Variants in CNTN4 observed in about 807,000 individuals in gnomAD.
CNTN4 encodes the protein contactin 4.
Under a neutral mutation model 122.5 loss-of-function variants are expected in CNTN4, and 77 were observed. The observed-to-expected ratio is 0.63, with a 90% CI of 0.52 to 0.76. The LOEUF (loss-of-function observed/expected upper bound fraction) is 0.76. Ranked by LOEUF, CNTN4 falls within the 30% of genes least tolerant of loss-of-function variation. The pLI is 0.00. For synonymous variants in CNTN4, 512 were observed against 447.0 expected, an observed-to-expected ratio of 1.15 and a Z score of -1.83; for missense variants, 1,256 against 1,259.1, an observed-to-expected ratio of 1.00 and a Z score of 0.04.
intron 3 of CNTN4, among the ~76,000 whole-genome samples, chr3:2,483,838 G>A (rs747419195): frequency 5.3e-5 from 8 of 152,092 alleles, no homozygotes; most frequent in African/African-American, 9.7e-5. Flanking sequence ...CCAGTCTCAG[G>A]TATTTCTTCA....
At chr3:2,907,201 T>G (rs1001615816) in intron 12 of CNTN4, among the ~76,000 whole-genome samples, 3 of 152,192 alleles carry the variant, frequency 2.0e-5, no homozygotes, top group Non-Finnish European at 4.4e-5. Context: ...ATAACTAAAT[T>G]GTCATTACCT....
In CNTN4 at chr3:2,736,265, A is replaced by G; in HGVS notation, c.106A>G (p.Met36Val). Residue 36 changes from methionine to valine, a missense_variant, in exon 5 of 25, where the codon ATG (methionine) becomes GTG (valine). Coordinates refer to ENST00000418658, the MANE Select transcript of CNTN4 (RefSeq NM_175607.3). ...PIFIQEPSPV[M>V]FPLDSEEKKV... ...TTTTATTCAAGAACCAAGTCCTGTAATGTTCCCTTTGGATTCTGAGGAGAA... is the reference window on the plus strand; with the variant it reads ...TTTTATTCAAGAACCAAGTCCTGTAGTGTTCCCTTTGGATTCTGAGGAGAA... 4 of 1,613,694 alleles carry G rather than the reference A, an allele frequency of 2.5e-6. No homozygotes were observed. The highest frequency in any genetic ancestry group is 3.4e-6 in the Non-Finnish European group (4 of 1,179,738).
At chr3:2,500,205 C>A (rs909112047) in intron 3 of CNTN4, among the ~76,000 whole-genome samples, 3 of 151,844 alleles carry the variant, frequency 2.0e-5, no homozygotes, top group African/African-American at 7.2e-5. Context: ...TGAATAATAC[C>A]AGGAGTTTAA....
chr3:2,838,416 A>G lies in CNTN4; in HGVS notation c.454+18835A>G, dbSNP rs557875949. On this transcript the variant is annotated intron_variant, in intron 7 of 24. Coordinates refer to ENST00000418658, the MANE Select transcript of CNTN4 (RefSeq NM_175607.3). ...TATAGTCTACCACATTCCTATTCCAATAGAAGCTGGGAAGCATTCCAGGAT... is the reference window on the plus strand; with the variant it reads ...TATAGTCTACCACATTCCTATTCCAGTAGAAGCTGGGAAGCATTCCAGGAT... Among the ~76,000 whole-genome samples, 36 of 152,254 alleles carry G rather than the reference A, an allele frequency of 2.4e-4. No individual in the cohort carries two copies. The East Asian group carries it at 6.6e-3, about 28-fold the overall frequency.
Position 2,280,257 on chromosome 3 carries a change from G to C in CNTN4, c.-144-58921G>C, listed in dbSNP as rs1193983428. 2.0e-5 allele frequency among the ~76,000 whole-genome samples: 3 copies of C among 152,276 alleles called. No individual in the cohort carries two copies. The East Asian group carries it at 5.8e-4, about 29-fold the overall frequency. ...TTACAGGCGTGAGCCACTGCACCCA[G>C]TATCAACAGGCATTTATAAGCATAG... On this transcript the variant is annotated intron_variant, in intron 2 of 24. Coordinates refer to ENST00000418658, the MANE Select transcript of CNTN4 (RefSeq NM_175607.3).
intron 6 of CNTN4, among the ~76,000 whole-genome samples, chr3:2,792,088 T>A (rs1471935781): frequency 2.0e-5 from 3 of 152,162 alleles, no homozygotes; most frequent in African/African-American, 4.8e-5. Context: ...ATAAATTAAT[T>A]AATTTTAAAA....
chr3:2,203,784 G>T lies in CNTN4; in HGVS notation c.-145+103145G>T, dbSNP rs148046595. On this transcript the variant is annotated intron_variant, in intron 2 of 24. Transcript: ENST00000418658. ...GAAAGCACAACTCCTAAGAGGTGTG[G>T]CCCAACTAATGCTGTATGATTGTCC... Among the ~76,000 whole-genome samples the T allele has an allele frequency of 3.3e-3, 507 of 152,176 alleles. 1 individual carries two copies. Among genetic ancestry groups the T allele is most frequent in the Middle Eastern group, 6.8e-3 (2 of 294 alleles).
chr3:2,584,689 C>T (rs1465151653), intron 4 of CNTN4, among the ~76,000 whole-genome samples: 1 of 38,684 alleles, frequency 2.6e-5, no homozygotes, highest in Non-Finnish European at 6.0e-5. Flanking sequence ...AAAAGCAAAA[C>T]TCCGTCTCAA....
intron 13 of CNTN4, among the ~76,000 whole-genome samples, chr3:2,969,746 C>G (rs145993185): frequency 4.8e-4 from 73 of 152,176 alleles, no homozygotes; most frequent in African/African-American, 1.7e-3. Context: ...CAATGACAGA[C>G]TTTTACTTTC....
chr3:3,002,997 C>A (rs184023963), intron 14 of CNTN4, among the ~76,000 whole-genome samples: 1 of 152,160 alleles, frequency 6.6e-6, no homozygotes, highest in Non-Finnish European at 1.5e-5. Context: ...CTCGGTTTGC[C>A]TCGATCTTCA....
In CNTN4 at chr3:2,367,996, T is replaced by C. The variant is rs149572146; in HGVS notation, c.-89+28763T>C. Among the ~76,000 whole-genome samples, 6 of 151,640 alleles carry C rather than the reference T, an allele frequency of 4.0e-5. No homozygotes were observed. The East Asian group carries it at 1.2e-3, about 30-fold the overall frequency. On this transcript the variant is annotated intron_variant, in intron 3 of 24. Transcript: ENST00000418658. ...CAGTGGTTCACTATAGCTTTACAAT[T>C]CAGCACTTTATCCAAATACAGCTAG... is the stretch of plus-strand genomic sequence containing the variant.
Position 2,314,656 on chromosome 3 carries a change from TA to T in CNTN4, c.-144-24514del, listed in dbSNP as rs373116854. On this transcript the variant is annotated intron_variant, in intron 2 of 24. Transcript: ENST00000418658. The stretch of plus-strand genomic sequence containing the variant: ...TTTGGGGATAAGGTGAGCCTTTCTT[TA>T]AAAAAAAGGATAAAATGAGATATCT... Among the ~76,000 whole-genome samples the T allele has an allele frequency of 9.7e-4, 147 of 151,640 alleles. 2 individuals carry two copies. In the East Asian group the frequency reaches 0.028, roughly 29 times the overall value.
At chr3:2,632,931 T>C (rs2082506360) in intron 4 of CNTN4, among the ~76,000 whole-genome samples, 1 of 150,954 alleles carries the variant, frequency 6.6e-6, no homozygotes, top group South Asian at 2.1e-4. Context: ...CCTTAAGAAA[T>C]GTTGATTGAA....
chr3:2,199,925 A>C (rs1031551783), intron 2 of CNTN4, among the ~76,000 whole-genome samples: 12 of 152,176 alleles, frequency 7.9e-5, no homozygotes, highest in African/African-American at 2.7e-4. Context: ...GTCATATTCT[A>C]AGCATATGAA....
At chr3:3,039,988 T>G (rs1574900809) in intron 19 of CNTN4, 49 bp from the exon 20 acceptor site, 1 of 1,310,924 alleles carries the variant, frequency 7.6e-7, no homozygotes. Flanking sequence ...ATTTTTGCAT[T>G]TGAGTGAAAC....
intron 4 of CNTN4, among the ~76,000 whole-genome samples, chr3:2,707,504 A>G (rs1024066280): frequency 2.8e-4 from 42 of 152,204 alleles, no homozygotes; most frequent in African/African-American, 1.0e-3. Context: ...CCAGGTGTAC[A>G]TCTGCTTTTC....
At chr3:2,731,414 G>T (rs1204337561) in intron 4 of CNTN4, among the ~76,000 whole-genome samples, 1 of 152,100 alleles carries the variant, frequency 6.6e-6, no homozygotes, top group African/African-American at 2.4e-5. Context: ...TGATTGGCAG[G>T]TACCTAGTTA....
At chr3:2,853,412 T>C (rs146330788) in intron 7 of CNTN4, among the ~76,000 whole-genome samples, 1,856 of 152,134 alleles carry the variant, frequency 0.012, 51 homozygotes, top group African/African-American at 0.042. Context: ...GCCCAGCTCA[T>C]TTTTGAATTT....
chr3:2,301,741 G>C (rs1450522985), intron 2 of CNTN4, among the ~76,000 whole-genome samples: 1 of 152,214 alleles, frequency 6.6e-6, no homozygotes, highest in African/African-American at 2.4e-5. Context: ...CACTCTAGTA[G>C]AGCACTCATC....
Sources: gnomAD v4.1 joint callset for allele counts (sites outside exome capture counted in the v4.1 genomes callset) on GRCh38, gnomAD v4.1.1 for gene constraint, MANE v1.5 for transcripts, NCBI Gene and HGNC (gene_info 2026-07-23, HGNC 2026-07-21) for gene names.